The following SULF1 variants were observed in gnomAD, a reference collection of about 807,000 sequenced individuals.
SULF1 encodes the protein extracellular sulfatase Sulf-1.
Under a neutral mutation model 110.5 loss-of-function variants are expected in SULF1, and 46 were observed. That is an observed-to-expected ratio of 0.42 (90% CI 0.33 to 0.53). The LOEUF is 0.53. Among genes scored for constraint, SULF1 ranks in the 20% least tolerant of loss-of-function variants. The pLI, the probability that SULF1 is intolerant of heterozygous loss-of-function variation, is 0.12. For missense variants in SULF1, 941 were observed against 1,094.2 expected (o/e 0.86, Z 1.98); for synonymous variants, 371 against 387.1 (o/e 0.96, Z 0.49).
intron 7 of SULF1, 58 bp downstream of exon 7, chr8:69,586,566 C>G (rs957499864): frequency 1.3e-6 from 2 of 1,552,120 alleles, no homozygotes; most frequent in Admixed American, 1.9e-5. Flanking sequence ...TGGGGAAAAG[C>G]CATTTTCAGT....
chr8:69,577,996 G>C (rs1209694910), intron 6 of SULF1, among the ~76,000 whole-genome samples: 1 of 152,190 alleles, frequency 6.6e-6, no homozygotes, highest in East Asian at 1.9e-4. Flanking sequence ...AGTAGGACTA[G>C]CTAAAGTCAA....
intron 22 of SULF1, among the ~76,000 whole-genome samples, chr8:69,647,173 G>C (rs2130715938): frequency 6.6e-6 from 1 of 151,726 alleles, no homozygotes; most frequent in Non-Finnish European, 1.5e-5. Context: ...TCGAACTCCT[G>C]CTCAAGTGAT....
intron 2 of SULF1, among the ~76,000 whole-genome samples, chr8:69,496,483 G>A (rs537838740): frequency 6.6e-6 from 1 of 152,262 alleles, no homozygotes; most frequent in South Asian, 2.1e-4. Context: ...AAAAAAAGAA[G>A]TGTCCCAAAA....
chr8:69,600,356 A>C (rs1807700655), intron 8 of SULF1, among the ~76,000 whole-genome samples: 1 of 152,150 alleles, frequency 6.6e-6, no homozygotes, highest in East Asian at 1.9e-4. Flanking sequence ...TGAACTTCTA[A>C]TTACATGTTC....
intron 3 of SULF1, among the ~76,000 whole-genome samples, chr8:69,561,356 T>C (rs1228730585): frequency 6.6e-6 from 1 of 152,222 alleles, no homozygotes; most frequent in Admixed American, 6.5e-5. Context: ...AGAAAGGAAG[T>C]TCATTTCATA....
At chr8:69,600,298 A>G (rs1165937365) in intron 8 of SULF1, among the ~76,000 whole-genome samples, 2 of 152,172 alleles carry the variant, frequency 1.3e-5, no homozygotes, top group African/African-American at 2.4e-5. Context: ...TAACATAACC[A>G]TAATCATCTT....
At chr8:69,503,549 A>G (rs1239969705) in intron 3 of SULF1, among the ~76,000 whole-genome samples, 1 of 152,204 alleles carries the variant, frequency 6.6e-6, no homozygotes, top group Non-Finnish European at 1.5e-5. Context: ...AGAGTTATTT[A>G]TCTCTTGAAT....
At chr8:69,574,308 A>G (rs1435158223) in intron 5 of SULF1, among the ~76,000 whole-genome samples, 1 of 152,142 alleles carries the variant, frequency 6.6e-6, no homozygotes, top group Non-Finnish European at 1.5e-5. Context: ...TCTTCATGCC[A>G]GGAAATCAAT....
At chr8:69,628,713 A>G (rs919976796) in intron 18 of SULF1, among the ~76,000 whole-genome samples, 10 of 152,242 alleles carry the variant, frequency 6.6e-5, no homozygotes, top group African/African-American at 2.2e-4. Context: ...CCTTTTATAT[A>G]TAAAAAACAA....
intron 13 of SULF1, 76 bp downstream of exon 13, chr8:69,605,008 A>T: frequency 6.3e-7 from 1 of 1,581,812 alleles, no homozygotes; most frequent in Non-Finnish European, 8.6e-7. Flanking sequence ...CCACATATAA[A>T]AGAATGTACA....
At chr8:69,474,328 T>G (rs1215469784) in intron 1 of SULF1, among the ~76,000 whole-genome samples, 1 of 152,204 alleles carries the variant, frequency 6.6e-6, no homozygotes, top group African/African-American at 2.4e-5. Flanking sequence ...ATGCCTTTGC[T>G]TCCCAATCAC....
chr8:69,601,661 A>G lies in SULF1; in HGVS notation c.893A>G (p.Asn298Ser). 6.2e-7 allele frequency: 1 copy of G among 1,609,180 alleles called. No individual in the cohort carries two copies. Among genetic ancestry groups the G allele is most frequent in the Non-Finnish European group, 8.5e-7 (1 of 1,177,664 alleles). ...TCCTTTGCTGTATTTCAGCTGTATAACATGCTCGTGGAGACGGGGGAGCTG... is the reference window on the plus strand; with the variant it reads ...TCCTTTGCTGTATTTCAGCTGTATAGCATGCTCGTGGAGACGGGGGAGCTG... ...SVDDSVERLYNMLVETGELEN... is the reference protein window; with the variant it reads ...SVDDSVERLYSMLVETGELEN... The change falls in exon 10 of 23, where the codon AAC (asparagine) becomes AGC (serine). Residue 298 changes from asparagine (N) to serine (S), a missense_variant. Asn to Ser is a conservative substitution (Grantham distance 46, BLOSUM62 1). Transcript: ENST00000402687.
intron 13 of SULF1, among the ~76,000 whole-genome samples, chr8:69,611,082 C>T (rs1413298568): frequency 6.6e-6 from 1 of 152,248 alleles, no homozygotes; most frequent in Non-Finnish European, 1.5e-5. Context: ...GGATATACTG[C>T]TTTCTTGGCA....
intron 13 of SULF1, among the ~76,000 whole-genome samples, chr8:69,608,450 C>T (rs1366656447): frequency 1.3e-5 from 2 of 152,106 alleles, no homozygotes; most frequent in Non-Finnish European, 2.9e-5. Flanking sequence ...GAGCCCGAGG[C>T]GGGCAGATCA....
chr8:69,636,951 A>T, intron 19 of SULF1, among the ~76,000 whole-genome samples: 1 of 152,146 alleles, frequency 6.6e-6, no homozygotes, highest in East Asian at 1.9e-4. Flanking sequence ...TTTTGGTGTG[A>T]ATTTGGCTTT....
chr8:69,582,351 A>G (rs902760456), intron 6 of SULF1, among the ~76,000 whole-genome samples: 5 of 152,198 alleles, frequency 3.3e-5, no homozygotes, highest in African/African-American at 1.2e-4. Flanking sequence ...ACACTGCAGG[A>G]TGGAAAATCA....
intron 3 of SULF1, among the ~76,000 whole-genome samples, chr8:69,530,838 T>A (rs959104844): frequency 6.6e-6 from 1 of 152,222 alleles, no homozygotes; most frequent in African/African-American, 2.4e-5. Flanking sequence ...TAGACAACTG[T>A]CCTTTCCAAA....
chr8:69,582,327 T>C (rs911988855), intron 6 of SULF1, among the ~76,000 whole-genome samples: 6 of 152,190 alleles, frequency 3.9e-5, no homozygotes, highest in African/African-American at 1.4e-4. Context: ...AGAACTCTAG[T>C]GCGAGATTTC....
intron 13 of SULF1, among the ~76,000 whole-genome samples, chr8:69,609,051 C>T (rs1442708110): frequency 6.6e-6 from 1 of 152,148 alleles, no homozygotes; most frequent in Non-Finnish European, 1.5e-5. Context: ...TTAAACTCAC[C>T]TGGGGCCGAG....
Sources: gnomAD v4.1 joint callset for allele counts (sites outside exome capture counted in the v4.1 genomes callset) on GRCh38, gnomAD v4.1.1 for gene constraint, MANE v1.5 for transcripts, NCBI Gene and HGNC (gene_info 2026-07-23, HGNC 2026-07-21) for gene names.